SLC24A3: variants seen among roughly 807,000 people sequenced by gnomAD.
SLC24A3 encodes sodium/potassium/calcium exchanger 3.
Under a neutral mutation model 75.8 loss-of-function variants are expected in SLC24A3, and 28 were observed. That is an observed-to-expected ratio of 0.37 (90% confidence interval 0.27 to 0.51). SLC24A3 has a LOEUF of 0.51. Among genes scored for constraint, SLC24A3 ranks in the 20% least tolerant of loss-of-function variants. SLC24A3 has a pLI of 0.94. For synonymous variants in SLC24A3, 372 were observed against 334.1 expected (o/e 1.11, Z -1.24); for missense variants, 663 against 847.8 (o/e 0.78, Z 2.71).
intron 4 of SLC24A3, among the ~76,000 whole-genome samples, chr20:19,583,181 T>C (rs1265222638): frequency 6.6e-6 from 1 of 151,808 alleles, no homozygotes; most frequent in Non-Finnish European, 1.5e-5. Context: ...AATTGGCAAG[T>C]GCAGAAGTGC....
At chr20:19,269,102 A>G (rs1404558059) in intron 1 of SLC24A3, among the ~76,000 whole-genome samples, 1 of 152,242 alleles carries the variant, frequency 6.6e-6, no homozygotes, top group East Asian at 1.9e-4. Flanking sequence ...ACATGTGTCT[A>G]TTTAAATTTA....
intron 2 of SLC24A3, among the ~76,000 whole-genome samples, chr20:19,308,438 A>G (rs990099): frequency 0.15 from 23,484 of 152,132 alleles, 4,430 homozygotes; most frequent in African/African-American, 0.43. Flanking sequence ...GAGGGTGCAG[A>G]AATTAAACCT....
chr20:19,541,077 T>C (rs938011648), intron 3 of SLC24A3, among the ~76,000 whole-genome samples: 1 of 152,230 alleles, frequency 6.6e-6, no homozygotes, highest in African/African-American at 2.4e-5. Context: ...ACACAGCTCA[T>C]GTGTTCTTCT....
intron 2 of SLC24A3, among the ~76,000 whole-genome samples, chr20:19,312,860 G>A (rs948251071): frequency 1.2e-4 from 18 of 152,068 alleles, no homozygotes; most frequent in African/African-American, 4.3e-4. Flanking sequence ...TGTGGTGGCA[G>A]CCTGGGTATT....
At chr20:19,579,943 C>T (rs2031195541) in intron 3 of SLC24A3, 57 bp from the exon 4 acceptor site, 30 of 1,341,442 alleles carry the variant, frequency 2.2e-5, no homozygotes, top group Non-Finnish European at 3.2e-5. Flanking sequence ...GCTGGACGTT[C>T]ATCTTCCTGG....
At chr20:19,214,993 C>T (rs1040899746) in intron 1 of SLC24A3, among the ~76,000 whole-genome samples, 6 of 152,102 alleles carry the variant, frequency 3.9e-5, no homozygotes, top group South Asian at 2.1e-4. Flanking sequence ...GTGTTGCCCC[C>T]GAATGACATA....
intron 2 of SLC24A3, among the ~76,000 whole-genome samples, chr20:19,514,494 C>T (rs1230580630): frequency 6.6e-6 from 1 of 152,196 alleles, no homozygotes; most frequent in East Asian, 1.9e-4. Context: ...GGAAAGACTT[C>T]TTTCAGCAGC....
chr20:19,571,213 G>A (rs1252869707), intron 3 of SLC24A3, among the ~76,000 whole-genome samples: 2 of 152,288 alleles, frequency 1.3e-5, no homozygotes, highest in Admixed American at 6.5e-5. Flanking sequence ...ACTGCAGGTG[G>A]GGAGGTAAAT....
intron 2 of SLC24A3, among the ~76,000 whole-genome samples, chr20:19,379,153 A>G (rs1244749038): frequency 6.6e-6 from 1 of 152,126 alleles, no homozygotes; most frequent in Non-Finnish European, 1.5e-5. Flanking sequence ...ACGGAATGTG[A>G]TTATTGCTGA....
intron 2 of SLC24A3, among the ~76,000 whole-genome samples, chr20:19,412,990 G>A (rs534832494): frequency 6.6e-6 from 1 of 152,162 alleles, no homozygotes; most frequent in Non-Finnish European, 1.5e-5. Flanking sequence ...ATCCCAACTG[G>A]TGGTTGCTAT....
chr20:19,368,994 G>T (rs1241171072), intron 2 of SLC24A3, among the ~76,000 whole-genome samples: 1 of 152,188 alleles, frequency 6.6e-6, no homozygotes, highest in Admixed American at 6.5e-5. Flanking sequence ...CTTCCTTTGA[G>T]CAGAAGACAT....
chr20:19,278,978 C>T (rs1263975769), intron 1 of SLC24A3, among the ~76,000 whole-genome samples: 1 of 152,204 alleles, frequency 6.6e-6, no homozygotes, highest in African/African-American at 2.4e-5. Context: ...TCACTTTCTC[C>T]ACCTAAAAAG....
intron 2 of SLC24A3, among the ~76,000 whole-genome samples, chr20:19,323,193 G>A (rs1247686066): frequency 4.7e-5 from 6 of 126,690 alleles, no homozygotes; most frequent in Admixed American, 4.2e-4. Flanking sequence ...GCGACAGAGC[G>A]AGACTCCGTC....
At chr20:19,656,131 G>T (rs765398525) in intron 7 of SLC24A3, among the ~76,000 whole-genome samples, 1 of 152,144 alleles carries the variant, frequency 6.6e-6, no homozygotes, top group Non-Finnish European at 1.5e-5. Flanking sequence ...GAACATGAGG[G>T]TTGACGTGAG....
At chr20:19,397,655 T>C (rs1986479717) in intron 2 of SLC24A3, among the ~76,000 whole-genome samples, 2 of 149,228 alleles carry the variant, frequency 1.3e-5, no homozygotes, top group Middle Eastern at 3.4e-3. Flanking sequence ...TTCTTTTTTT[T>C]TTTTTTTTTT....
chr20:19,275,443 A>G (rs1983455048), intron 1 of SLC24A3, among the ~76,000 whole-genome samples: 1 of 152,200 alleles, frequency 6.6e-6, no homozygotes, highest in South Asian at 2.1e-4. Context: ...CTCTTATCAG[A>G]GAGCAGGCAG....
intron 2 of SLC24A3, among the ~76,000 whole-genome samples, chr20:19,296,813 G>A (rs1479744240): frequency 1.3e-5 from 2 of 152,158 alleles, no homozygotes; most frequent in East Asian, 3.9e-4. Flanking sequence ...GAGCCACGTG[G>A]CACTTACTTT....
chr20:19,349,741 A>G (rs1011532578), intron 2 of SLC24A3, among the ~76,000 whole-genome samples: 7 of 152,064 alleles, frequency 4.6e-5, no homozygotes, highest in Admixed American at 6.6e-5. Context: ...TTTATTCCCT[A>G]TCCCTTTCTC....
chr20:19,354,158 G>A (rs1275719313), intron 2 of SLC24A3, among the ~76,000 whole-genome samples: 2 of 152,086 alleles, frequency 1.3e-5, no homozygotes, highest in African/African-American at 4.8e-5. Flanking sequence ...CCGCATGAAC[G>A]GACCTCACAG....
Sources: gnomAD v4.1 joint callset for allele counts (sites outside exome capture counted in the v4.1 genomes callset) on GRCh38, gnomAD v4.1.1 for gene constraint, MANE v1.5 for transcripts, NCBI Gene and HGNC (gene_info 2026-07-23, HGNC 2026-07-21) for gene names.